MAML3: variants seen among roughly 807,000 people sequenced by gnomAD.
MAML3 encodes the protein mastermind-like protein 3.
In MAML3, 27 loss-of-function variants were observed where a neutral mutation model predicts 101.9. The observed-to-expected ratio is 0.27, with a 90% CI of 0.20 to 0.37. The LOEUF (loss-of-function observed/expected upper bound fraction) is 0.37. Among genes scored for constraint, MAML3 ranks in the 10% least tolerant of loss-of-function variants. The pLI is 1.00. For missense variants in MAML3, 1,316 were observed against 1,444.9 expected, an observed-to-expected ratio of 0.91 and a Z score of 1.45; for synonymous variants, 501 against 555.9, an observed-to-expected ratio of 0.90 and a Z score of 1.39.
At chr4:139,787,223 A>G (rs1730322701) in intron 2 of MAML3, among the ~76,000 whole-genome samples, 1 of 152,164 alleles carries the variant, frequency 6.6e-6, no homozygotes, top group South Asian at 2.1e-4. Context: ...AACAGACATA[A>G]ATGTTAATGT....
At chr4:140,080,705 TTA>T (rs145338709) in intron 1 of MAML3, among the ~76,000 whole-genome samples, 37,982 of 152,048 alleles carry the variant, frequency 0.25, 5,936 homozygotes, top group Non-Finnish European at 0.33. Context: ...CCACTCCAAC[TTA>T]TGTTTTCCCA....
intron 1 of MAML3, among the ~76,000 whole-genome samples, chr4:139,891,588 T>G (rs1175958446): frequency 6.6e-6 from 1 of 152,182 alleles, no homozygotes; most frequent in Non-Finnish European, 1.5e-5. Context: ...GACATGAGAC[T>G]TGGACCAAAA....
At chr4:139,955,758 G>A (rs1334902615) in intron 1 of MAML3, among the ~76,000 whole-genome samples, 3 of 152,162 alleles carry the variant, frequency 2.0e-5, no homozygotes, top group Non-Finnish European at 4.4e-5. Flanking sequence ...CTCTCAGGTA[G>A]TTAACTGGGA....
chr4:139,770,154 T>C lies in MAML3; in HGVS notation c.2080-39487A>G, dbSNP rs560041157. Among the ~76,000 whole-genome samples the C allele has an allele frequency of 4.4e-4, 67 of 151,758 alleles. 2 individuals are homozygous for C. The highest frequency in any genetic ancestry group is 4.3e-3 in the Admixed American group (66 of 15,244). On this transcript the variant is annotated intron_variant, in intron 2 of 4. Transcript: ENST00000509479. Reference sequence around the variant, plus strand: ...ACTATGTTGCCCAGGTTGGTCTCAATCTTCTGGGCTCCAGCGATCCTCCCG... The same window carrying C: ...ACTATGTTGCCCAGGTTGGTCTCAACCTTCTGGGCTCCAGCGATCCTCCCG...
chr4:140,087,565 T>C (rs1727974008), intron 1 of MAML3, among the ~76,000 whole-genome samples: 8 of 152,258 alleles, frequency 5.3e-5, no homozygotes, highest in Admixed American at 5.2e-4. Flanking sequence ...TACAGAAACA[T>C]CACCAAAGTG....
At chr4:140,128,318 G>A (rs1039691344) in intron 1 of MAML3, among the ~76,000 whole-genome samples, 2 of 152,204 alleles carry the variant, frequency 1.3e-5, no homozygotes, top group African/African-American at 4.8e-5. Flanking sequence ...ACAGATGAGC[G>A]AAGATGAGGG....
At chr4:140,064,217 G>A (rs1023990798) in intron 1 of MAML3, among the ~76,000 whole-genome samples, 3 of 152,084 alleles carry the variant, frequency 2.0e-5, no homozygotes, top group African/African-American at 7.2e-5. Flanking sequence ...TTGGTTCTTT[G>A]AAGAATCTAT....
intron 1 of MAML3, among the ~76,000 whole-genome samples, chr4:139,980,091 G>A (rs980513678): frequency 5.9e-5 from 9 of 152,042 alleles, no homozygotes; most frequent in Non-Finnish European, 1.2e-4. Context: ...TTATGCATTC[G>A]GCATCTTCCA....
rs1266309353 is a variant in MAML3, at chr4:139,735,679, T to C, written c.2080-5012A>G. The stretch of plus-strand genomic sequence containing the variant: ...GAAATTTAGGGTTTTATTGAAAAAG[T>C]CCCCTGGGGCCTAATTTAGCCTCTC... On this transcript the variant is annotated intron_variant, in intron 2 of 4. Coordinates refer to ENST00000509479, the MANE Select transcript of MAML3 (RefSeq NM_018717.5). The surrounding 1 kb of genome is among the most constrained non-coding windows in gnomAD (Gnocchi z 5.8). Among the ~76,000 whole-genome samples, 1 of 152,134 alleles carries C rather than the reference T, an allele frequency of 6.6e-6. No individual in the cohort carries two copies. The highest frequency in any genetic ancestry group is 1.5e-5 in the Non-Finnish European group (1 of 68,012).
In MAML3 at chr4:140,034,315, T is replaced by C. The variant is rs569105394; in HGVS notation, c.468+118545A>G. On this transcript the variant is annotated intron_variant, in intron 1 of 4. Coordinates refer to ENST00000509479, the MANE Select transcript of MAML3 (RefSeq NM_018717.5). ...CTGATGTGAGATAGTCTGGTTGTGA[T>C]TTGACTTAGACAGAAATGGAGTAGA... Among the ~76,000 whole-genome samples, 179 of 152,364 alleles carry C rather than the reference T, an allele frequency of 1.2e-3. 1 individual carries two copies. Among genetic ancestry groups the C allele is most frequent in the Middle Eastern group, 6.8e-3 (2 of 294 alleles).
At chr4:139,759,155 G>A (rs1036204320) in intron 2 of MAML3, among the ~76,000 whole-genome samples, 14 of 152,208 alleles carry the variant, frequency 9.2e-5, no homozygotes, top group African/African-American at 3.4e-4. Context: ...TTGAGGGGAA[G>A]ACAGAAATGT....
intron 1 of MAML3, among the ~76,000 whole-genome samples, chr4:140,110,760 C>T (rs564611514): frequency 6.6e-6 from 1 of 152,312 alleles, no homozygotes; most frequent in Non-Finnish European, 1.5e-5. Context: ...AGTAAGACTG[C>T]TCCACCCTTC....
At chr4:139,764,759 T>G (rs1729822728) in intron 2 of MAML3, among the ~76,000 whole-genome samples, 1 of 152,246 alleles carries the variant, frequency 6.6e-6, no homozygotes, top group Non-Finnish European at 1.5e-5. Context: ...TGTTCTCTTT[T>G]GTGGGATGGT....
At chr4:139,940,821 TCA>T (rs1733584873) in intron 1 of MAML3, among the ~76,000 whole-genome samples, 1 of 152,322 alleles carries the variant, frequency 6.6e-6, no homozygotes, top group Middle Eastern at 3.4e-3. Flanking sequence ...AGACTGCAAC[TCA>T]CACTGCATTT....
chr4:140,082,658 C>T (rs145452332), intron 1 of MAML3, among the ~76,000 whole-genome samples: 3 of 152,218 alleles, frequency 2.0e-5, no homozygotes, highest in East Asian at 1.9e-4. Flanking sequence ...AAAGTTCACA[C>T]GGGGCGGGCA....
At chr4:139,818,236 G>T (rs182080425) in intron 2 of MAML3, among the ~76,000 whole-genome samples, 87 of 152,240 alleles carry the variant, frequency 5.7e-4, no homozygotes, top group African/African-American at 1.9e-3. Flanking sequence ...CCCTCACTAG[G>T]CTAGCTTAGA....
At chr4:140,011,369 C>G (rs10031599) in intron 1 of MAML3, among the ~76,000 whole-genome samples, 108,643 of 120,032 alleles carry the variant, frequency 0.91, 50,254 homozygotes, top group East Asian at 1. Context: ...ACGGAGTCTC[C>G]CTCTGTCGCC....
chr4:139,752,269 T>C (rs1160811838), intron 2 of MAML3, among the ~76,000 whole-genome samples: 1 of 152,256 alleles, frequency 6.6e-6, no homozygotes, highest in African/African-American at 2.4e-5. Flanking sequence ...AGTTGTAAGA[T>C]GTATCCTGAT....
At chr4:140,092,077 TATATATATACGTATATATATATATAC>T (rs1728063574) in intron 1 of MAML3, among the ~76,000 whole-genome samples, 1 of 61,154 alleles carries the variant, frequency 1.6e-5, no homozygotes, top group African/African-American at 4.2e-5. Flanking sequence ...TATATATACG[TATATATATACGTATATATATATATAC>T]GTATATATAT....
Sources: gnomAD v4.1 joint callset for allele counts (sites outside exome capture counted in the v4.1 genomes callset) on GRCh38, gnomAD v4.1.1 for gene constraint, Gnocchi (gnomAD v3.1) non-coding constraint, MANE v1.5 for transcripts, NCBI Gene and HGNC (gene_info 2026-07-23, HGNC 2026-07-21) for gene names.